MCC: variants seen among roughly 807,000 people sequenced by gnomAD.
MCC encodes colorectal mutant cancer protein.
In MCC, 90 loss-of-function variants were observed where a neutral mutation model predicts 116.2. The observed-to-expected ratio is 0.77, with a 90% CI of 0.65 to 0.92. The LOEUF (loss-of-function observed/expected upper bound fraction) is 0.92. MCC is among the 40% of genes least tolerant of loss of function. MCC has a pLI of 0.00. For synonymous variants in MCC, 578 were observed against 510.5 expected (o/e 1.13, Z -1.78); for missense variants, 1,516 against 1,312.2 (o/e 1.16, Z -2.40).
intron 11 of MCC, among the ~76,000 whole-genome samples, chr5:113,074,733 T>C (rs888800937): frequency 6.6e-6 from 1 of 152,316 alleles, no homozygotes; most frequent in East Asian, 1.9e-4. Context: ...AAGAACTACA[T>C]GATGCATGCA....
Position 113,084,257 on chromosome 5 carries a change from C to T in MCC, c.1546-67G>A, listed in dbSNP as rs528517861. 267 of 1,235,518 alleles carry T rather than the reference C, an allele frequency of 2.2e-4. 1 individual carries two copies. The highest frequency in any genetic ancestry group is 6.7e-4 in the Admixed American group (39 of 58,394). 76.5% of individuals were successfully genotyped at this position (1,235,518 alleles called of 1,614,324 possible). Reference sequence around the variant, plus strand: ...CTCCTCAGATAAACTGTTGGGACTACGCTTATACAGGGCTACTTTTTAGCC... The same window carrying T: ...CTCCTCAGATAAACTGTTGGGACTATGCTTATACAGGGCTACTTTTTAGCC... On this transcript the variant is annotated intron_variant, in intron 9 of 18. Transcript: ENST00000408903.
intron 3 of MCC, among the ~76,000 whole-genome samples, chr5:113,266,655 A>G (rs1159352968): frequency 1.3e-5 from 2 of 152,204 alleles, no homozygotes; most frequent in Non-Finnish European, 2.9e-5. Flanking sequence ...AACTGGGATT[A>G]TAGGCGTGAG....
chr5:113,053,747 A>G lies in MCC; in HGVS notation c.2426T>C (p.Met809Thr), dbSNP rs1481403497. The G allele has an allele frequency of 3.7e-6, 6 of 1,611,824 alleles. No individual in the cohort carries two copies. Among genetic ancestry groups the G allele is most frequent in the Admixed American group, 3.3e-5 (2 of 59,968 alleles). The change falls in exon 15 of 19, where the codon ATG (methionine) becomes ACG (threonine). Residue 809 changes from methionine (M) to threonine (T), a missense_variant. Met to Thr is a moderately conservative substitution (Grantham distance 81). Transcript: ENST00000408903. ...QRLDLENAVLMQELMAMKEEM... is the reference protein window; with the variant it reads ...QRLDLENAVLTQELMAMKEEM... The stretch of plus-strand genomic sequence containing the variant: ...TACCTTCATGGCCATGAGCTCCTGC[A>G]TAAGCACTGCGTTTTCCAGATCCAG...
At chr5:113,179,670 A>C (rs1761512048) in intron 3 of MCC, among the ~76,000 whole-genome samples, 1 of 152,206 alleles carries the variant, frequency 6.6e-6, no homozygotes, top group Non-Finnish European at 1.5e-5. Context: ...GAAAAGACAA[A>C]AATGAATGCA....
At chr5:113,247,082 G>A (rs1311196758) in intron 3 of MCC, among the ~76,000 whole-genome samples, 2 of 152,204 alleles carry the variant, frequency 1.3e-5, no homozygotes, top group Admixed American at 1.3e-4. Context: ...GGAAGGTGCT[G>A]GACACTGGAA....
chr5:113,437,234 T>C (rs1412646824), intron 1 of MCC: 1 of 152,198 alleles, frequency 6.6e-6, no homozygotes. Flanking sequence ...TAGGGAAAGA[T>C]AAGCAGAGGC....
chr5:113,138,957 T>G (rs1007191743), intron 5 of MCC, among the ~76,000 whole-genome samples: 2 of 152,184 alleles, frequency 1.3e-5, no homozygotes, highest in African/African-American at 4.8e-5. Flanking sequence ...AGGCCATGAT[T>G]ATTCATTGTG....
chr5:113,418,535 A>T (rs1410691191), intron 1 of MCC, among the ~76,000 whole-genome samples: 4 of 151,988 alleles, frequency 2.6e-5, no homozygotes, highest in South Asian at 2.1e-4. Flanking sequence ...TTCTTTACCC[A>T]GTTAAGCCTT....
At chr5:113,482,932 G>C (rs1772416235) in intron 1 of MCC, among the ~76,000 whole-genome samples, 1 of 152,122 alleles carries the variant, frequency 6.6e-6, no homozygotes, top group Admixed American at 6.5e-5. Flanking sequence ...TTTGTAGATG[G>C]TGTGAGGAAA....
intron 2 of MCC, among the ~76,000 whole-genome samples, chr5:113,367,754 G>A (rs1021348006): frequency 2.0e-5 from 3 of 152,064 alleles, no homozygotes; most frequent in African/African-American, 7.2e-5. Context: ...CATCAGGGTA[G>A]GGTATGCTGG....
intron 1 of MCC, among the ~76,000 whole-genome samples, chr5:113,451,593 G>A (rs1771398127): frequency 6.6e-6 from 1 of 152,186 alleles, no homozygotes; most frequent in African/African-American, 2.4e-5. Context: ...AATTAGCCAG[G>A]CATGGTGGCG....
intron 1 of MCC, among the ~76,000 whole-genome samples, chr5:113,409,818 C>T (rs1769931070): frequency 6.6e-6 from 1 of 152,136 alleles, no homozygotes; most frequent in Admixed American, 6.5e-5. Context: ...TAGTCTCTGT[C>T]CCTTCCTAGA....
intron 3 of MCC, among the ~76,000 whole-genome samples, chr5:113,269,003 T>C (rs1765515921): frequency 6.6e-6 from 1 of 151,890 alleles, no homozygotes; most frequent in Non-Finnish European, 1.5e-5. Context: ...GCAAAAGGTA[T>C]CAAAGGAACA....
At chr5:113,343,997 T>C (rs566687028) in intron 2 of MCC, among the ~76,000 whole-genome samples, 157 of 152,238 alleles carry the variant, frequency 1.0e-3, no homozygotes, top group Non-Finnish European at 1.7e-3. Flanking sequence ...CAGTACCTGG[T>C]TTTGACTTCC....
chr5:113,028,937 T>A lies in MCC; in HGVS notation c.2876A>T (p.Asn959Ile). 6.2e-7 allele frequency: 1 copy of A among 1,613,312 alleles called. No individual in the cohort carries two copies. Among genetic ancestry groups the A allele is most frequent in the Non-Finnish European group, 8.5e-7 (1 of 1,179,562 alleles). The change falls in exon 18 of 19, where the codon AAC (asparagine) becomes ATC (isoleucine). Residue 959 changes from asparagine (N) to isoleucine (I), a missense_variant. By Grantham distance (149) the Asn-to-Ile change is moderately radical. Transcript: ENST00000408903. ...AEFVNDLKRA[N>I]SNLVAAYEKA... ...CTGGGTATAGGGAGATTTTTACCTG[T>A]TGGCCCGCTTTAGATCATTCACGAA...
At chr5:113,441,920 G>C (rs1771053994) in intron 1 of MCC, among the ~76,000 whole-genome samples, 1 of 152,170 alleles carries the variant, frequency 6.6e-6, no homozygotes, top group Non-Finnish European at 1.5e-5. Context: ...TTGGTTCCAA[G>C]TCTCTGCTAT....
rs909018301 is a variant in MCC, at chr5:113,105,395, G to A, written c.1028-1040C>T. 1.3e-5 allele frequency among the ~76,000 whole-genome samples: 2 copies of A among 152,198 alleles called. 1 individual carries two copies. The highest frequency in any genetic ancestry group is 2.9e-5 in the Non-Finnish European group (2 of 68,038). On this transcript the variant is annotated intron_variant, in intron 6 of 18. Coordinates refer to ENST00000408903, the MANE Select transcript of MCC (RefSeq NM_001085377.2). ...GGCACAACAGGAACAGGACTTCTCAGAATGTTTTAGTCAACCTCATCTGGT... is the reference window on the plus strand; with the variant it reads ...GGCACAACAGGAACAGGACTTCTCAAAATGTTTTAGTCAACCTCATCTGGT...
At chr5:113,057,137 C>A (rs1015905126) in intron 14 of MCC, among the ~76,000 whole-genome samples, 1 of 152,096 alleles carries the variant, frequency 6.6e-6, no homozygotes, top group Non-Finnish European at 1.5e-5. Context: ...CTGAAGCAGT[C>A]AGGCAGGGGA....
At chr5:113,114,484 C>T (rs992045515) in intron 6 of MCC, among the ~76,000 whole-genome samples, 5 of 152,196 alleles carry the variant, frequency 3.3e-5, no homozygotes, top group Non-Finnish European at 7.3e-5. Context: ...GGCGAAGCCC[C>T]ACCCTGAAGC....
Sources: allele counts gnomAD v4.1 joint callset (sites outside exome capture counted in the v4.1 genomes callset), GRCh38; gene constraint gnomAD v4.1.1; transcripts MANE v1.5; gene names NCBI Gene and HGNC (gene_info 2026-07-23, HGNC 2026-07-21).